The following PLEKHA7 variants were observed in gnomAD, a reference collection of about 807,000 sequenced individuals.
PLEKHA7 encodes the protein pleckstrin homology domain-containing family A member 7.
In PLEKHA7, 104 loss-of-function variants were observed where a neutral mutation model predicts 170.0. That is an observed-to-expected ratio of 0.61 (90% CI 0.52 to 0.72). The LOEUF (loss-of-function observed/expected upper bound fraction) is 0.72, where lower values mean the gene tolerates loss of function less well. Among genes scored for constraint, PLEKHA7 ranks in the 30% least tolerant of loss-of-function variants. The pLI is 0.00. For synonymous variants in PLEKHA7, 648 were observed against 660.8 expected (o/e 0.98, Z 0.30); for missense variants, 1,615 against 1,671.7 (o/e 0.97, Z 0.59).
chr11:17,002,992 T>TTTTG (rs1864766168), intron 3 of PLEKHA7, among the ~76,000 whole-genome samples: 2 of 38,738 alleles, frequency 5.2e-5, no homozygotes, highest in Non-Finnish European at 1.3e-4. Flanking sequence ...GTTGTGCCTT[T>TTTTG]TTTTTTTTTT....
In PLEKHA7 at chr11:16,857,259, T is replaced by C. The variant is rs113185867; in HGVS notation, c.306-1345A>G. Among the ~76,000 whole-genome samples, 611 of 152,330 alleles carry C rather than the reference T, an allele frequency of 4.0e-3. 6 individuals carry two copies. The highest frequency in any genetic ancestry group is 0.014 in the African/African-American group (585 of 41,576). ...AATGCCAGCAGCAGGACCACTGTAGTAGGCACCAGCTTCCCAAAGGGCTGG... is the reference window on the plus strand; with the variant it reads ...AATGCCAGCAGCAGGACCACTGTAGCAGGCACCAGCTTCCCAAAGGGCTGG... On this transcript the variant is annotated intron_variant, in intron 4 of 26. Transcript: ENST00000531066.
At chr11:16,822,003 C>T (rs1850256589) in intron 10 of PLEKHA7, among the ~76,000 whole-genome samples, 3 of 150,396 alleles carry the variant, frequency 2.0e-5, no homozygotes. Flanking sequence ...CTCAAATCCC[C>T]ATCTTGCATC....
chr11:16,875,229 A>T (rs7947201), intron 3 of PLEKHA7, among the ~76,000 whole-genome samples: 5,564 of 152,300 alleles, frequency 0.037, 182 homozygotes, highest in African/African-American at 0.078. Flanking sequence ...AACTATGCTT[A>T]CATTCATCAT....
At chr11:16,832,341 G>A (rs1851183185) in intron 9 of PLEKHA7, among the ~76,000 whole-genome samples, 1 of 152,132 alleles carries the variant, frequency 6.6e-6, no homozygotes, top group African/African-American at 2.4e-5. Flanking sequence ...ATCATTGACT[G>A]GGGTTGGGCC....
At chr11:16,927,093 G>A (rs929460284) in intron 3 of PLEKHA7, among the ~76,000 whole-genome samples, 4 of 152,110 alleles carry the variant, frequency 2.6e-5, no homozygotes, top group African/African-American at 9.7e-5. Context: ...GTGGGGGCAG[G>A]GAGGGAATGG....
intron 26 of PLEKHA7, 144 bp downstream of exon 26, chr11:16,782,610 T>G (rs1590100925): frequency 2.9e-6 from 3 of 1,023,666 alleles, no homozygotes; most frequent in Non-Finnish European, 4.2e-6. Flanking sequence ...GGATGCCGAG[T>G]GGTCAGGGGA....
intron 17 of PLEKHA7, among the ~76,000 whole-genome samples, 155 bp downstream of exon 17, chr11:16,800,819 G>A (rs1254323996): frequency 6.6e-6 from 1 of 152,190 alleles, no homozygotes; most frequent in Non-Finnish European, 1.5e-5. Context: ...GGGAGAGCTT[G>A]GGGTGGCTCC....
At chr11:16,803,428 C>T in intron 13 of PLEKHA7, 133 bp from the exon 14 acceptor site, 1 of 893,740 alleles carries the variant, frequency 1.1e-6, no homozygotes, top group Non-Finnish European at 1.7e-6. Flanking sequence ...ATGAGAGGGA[C>T]AAAAACTTGG....
At chr11:16,831,471 G>C (rs1851104074) in intron 9 of PLEKHA7, among the ~76,000 whole-genome samples, 1 of 152,222 alleles carries the variant, frequency 6.6e-6, no homozygotes, top group Non-Finnish European at 1.5e-5. Flanking sequence ...ATGCAAAGCA[G>C]AGATGTTTAG....
chr11:16,942,771 A>G (rs1259563880), intron 3 of PLEKHA7, among the ~76,000 whole-genome samples: 1 of 152,260 alleles, frequency 6.6e-6, no homozygotes, highest in Non-Finnish European at 1.5e-5. Flanking sequence ...CAGCTCTGCA[A>G]TAAAAATTCA....
intron 6 of PLEKHA7, 45 bp downstream of exon 6, chr11:16,854,844 G>A (rs1242127520): frequency 3.2e-6 from 5 of 1,549,552 alleles, no homozygotes; most frequent in Non-Finnish European, 4.5e-6. Flanking sequence ...AGAGAACTCA[G>A]CCAGAGCCAT....
Position 16,788,663 on chromosome 11 carries a change from G to A in PLEKHA7, c.3357+433C>T, listed in dbSNP as rs143646857. The A allele has an allele frequency of 1.9e-3, 434 of 228,580 alleles. 1 individual carries two copies. Among genetic ancestry groups the A allele is most frequent in the African/African-American group, 9.4e-3 (411 of 43,734 alleles). 14.2% of individuals were successfully genotyped at this position (228,580 alleles called of 1,614,324 possible). On this transcript the variant is annotated intron_variant, in intron 23 of 26. Transcript: ENST00000531066. ...GCCCTTGGGGCAGGGGTGTGACCCC[G>A]TGCTCCATCACCCTCACACAGCATC...
intron 3 of PLEKHA7, among the ~76,000 whole-genome samples, chr11:16,994,343 C>T (rs1343364349): frequency 1.3e-5 from 2 of 152,208 alleles, no homozygotes; most frequent in Non-Finnish European, 2.9e-5. Context: ...CTAGGTCCCC[C>T]AGGGACACTA....
intron 3 of PLEKHA7, among the ~76,000 whole-genome samples, chr11:16,960,792 A>G (rs961733907): frequency 1.3e-5 from 2 of 152,136 alleles, no homozygotes; most frequent in Admixed American, 6.5e-5. Context: ...CCAATGCCTT[A>G]GGGTGGGAAC....
At chr11:16,937,791 A>G (rs1369701220) in intron 3 of PLEKHA7, among the ~76,000 whole-genome samples, 1 of 152,076 alleles carries the variant, frequency 6.6e-6, no homozygotes, top group Non-Finnish European at 1.5e-5. Context: ...TATTTTTAGT[A>G]GAGATGGTGT....
At chr11:16,902,511 T>C (rs1420568726) in intron 3 of PLEKHA7, among the ~76,000 whole-genome samples, 1 of 152,224 alleles carries the variant, frequency 6.6e-6, no homozygotes, top group Non-Finnish European at 1.5e-5. Context: ...TTCTAAAGTA[T>C]CTGTCCTTTT....
chr11:16,927,890 C>T (rs547626524), intron 3 of PLEKHA7, among the ~76,000 whole-genome samples: 3 of 151,762 alleles, frequency 2.0e-5, no homozygotes, highest in East Asian at 1.9e-4. Flanking sequence ...TACATGCTTA[C>T]GATGGAATAC....
At chr11:16,805,786 T>C (rs1364337444) in intron 13 of PLEKHA7, among the ~76,000 whole-genome samples, 1 of 75,470 alleles carries the variant, frequency 1.3e-5, no homozygotes, top group Non-Finnish European at 2.6e-5. Flanking sequence ...CGAGACTCCA[T>C]GTCAAAAAAA....
At chr11:16,790,302 T>TA in intron 21 of PLEKHA7, 1 of 222,316 alleles carries the variant, frequency 4.5e-6, no homozygotes, top group Non-Finnish European at 9.0e-6. Context: ...CACTGAGTCT[T>TA]AGAGTGGCAC....
Sources: allele counts gnomAD v4.1 joint callset (sites outside exome capture counted in the v4.1 genomes callset), GRCh38; gene constraint gnomAD v4.1.1; transcripts MANE v1.5; gene names NCBI Gene and HGNC (gene_info 2026-07-23, HGNC 2026-07-21).